The following KCNH7 variants were observed in gnomAD, a reference collection of about 807,000 sequenced individuals.
The protein encoded by KCNH7 is potassium voltage-gated channel subfamily H member 7, also known as voltage-gated inwardly rectifying potassium channel KCNH7.
KCNH7 carries 49 observed loss-of-function variants against 120.8 expected under a neutral mutation model. The observed-to-expected ratio is 0.41, with a 90% CI of 0.32 to 0.51. KCNH7 has a LOEUF of 0.51. Ranked by LOEUF, KCNH7 falls within the 20% of genes least tolerant of loss-of-function variation. The pLI is 0.38. For synonymous variants in KCNH7, 547 were observed against 516.1 expected, an observed-to-expected ratio of 1.06 and a Z score of -0.81; for missense variants, 1,097 against 1,446.6, an observed-to-expected ratio of 0.76 and a Z score of 3.92.
At chr2:162,663,930 T>C (rs941301839) in intron 2 of KCNH7, among the ~76,000 whole-genome samples, 1 of 152,154 alleles carries the variant, frequency 6.6e-6, no homozygotes, top group Non-Finnish European at 1.5e-5. Context: ...ATGACAAATC[T>C]GCAATATTTT....
chr2:162,724,717 ATC>A (rs554320231), intron 2 of KCNH7, among the ~76,000 whole-genome samples: 79 of 151,988 alleles, frequency 5.2e-4, no homozygotes, highest in Admixed American at 2.1e-3. Context: ...TAGAAATGTG[ATC>A]TCTCTCTTCC....
At chr2:162,550,734 T>C (rs1271479296) in intron 2 of KCNH7, among the ~76,000 whole-genome samples, 1 of 152,094 alleles carries the variant, frequency 6.6e-6, no homozygotes. Flanking sequence ...TCCTGAGTGA[T>C]ACAGGATAAA....
intron 9 of KCNH7, among the ~76,000 whole-genome samples, chr2:162,405,382 C>T (rs1687181177): frequency 6.6e-6 from 1 of 151,812 alleles, no homozygotes; most frequent in African/African-American, 2.4e-5. Flanking sequence ...CCAACAACAA[C>T]AAAACATAAT....
At chr2:162,677,286 GTA>G (rs986676330) in intron 2 of KCNH7, among the ~76,000 whole-genome samples, 56 of 151,572 alleles carry the variant, frequency 3.7e-4, no homozygotes, top group African/African-American at 1.4e-3. Context: ...TTATTAAAGT[GTA>G]TCACACAGAG....
At chr2:162,752,903 A>AAAAAAGAAAGAAAAGAAAAG (rs1688612139) in intron 2 of KCNH7, among the ~76,000 whole-genome samples, 2 of 32,026 alleles carry the variant, frequency 6.2e-5, no homozygotes, top group Non-Finnish European at 2.8e-4. Context: ...TACATCTCAG[A>AAAAAAGAAAGAAAAGAAAAG]AAAAGAAAAG....
chr2:162,385,869 A>G (rs890570716), intron 12 of KCNH7, among the ~76,000 whole-genome samples: 2 of 151,874 alleles, frequency 1.3e-5, no homozygotes, highest in Non-Finnish European at 2.9e-5. Flanking sequence ...GAAACTTCCA[A>G]CTGTTTTTAA....
chr2:162,545,737 G>A (rs149489004), intron 2 of KCNH7, among the ~76,000 whole-genome samples: 16 of 152,134 alleles, frequency 1.1e-4, no homozygotes, highest in African/African-American at 3.9e-4. Context: ...CAGAGATCAG[G>A]TTTTATAACA....
At chr2:162,507,827 A>G (rs1338231552) in intron 5 of KCNH7, among the ~76,000 whole-genome samples, 1 of 151,606 alleles carries the variant, frequency 6.6e-6, no homozygotes, top group Non-Finnish European at 1.5e-5. Flanking sequence ...AAATTCATGT[A>G]TAAATAAGTC....
intron 2 of KCNH7, among the ~76,000 whole-genome samples, chr2:162,800,730 T>C (rs1684310925): frequency 6.6e-6 from 1 of 151,964 alleles, no homozygotes; most frequent in Admixed American, 6.6e-5. Flanking sequence ...GTGCTTTGAA[T>C]GCTAAAACAC....
chr2:162,432,850 G>A (rs1335420643), intron 8 of KCNH7, among the ~76,000 whole-genome samples: 3 of 151,816 alleles, frequency 2.0e-5, no homozygotes, highest in South Asian at 2.1e-4. Flanking sequence ...CCTCCAAACA[G>A]GAAAAGAAGT....
intron 2 of KCNH7, among the ~76,000 whole-genome samples, chr2:162,793,827 T>G (rs921368907): frequency 2.0e-5 from 3 of 152,010 alleles, no homozygotes; most frequent in Non-Finnish European, 4.4e-5. Context: ...GTTTATTTTT[T>G]AACTTAGAGT....
At chr2:162,456,919 A>C (rs1294808165) in intron 6 of KCNH7, among the ~76,000 whole-genome samples, 1 of 151,824 alleles carries the variant, frequency 6.6e-6, no homozygotes, top group African/African-American at 2.4e-5. Context: ...TTATTTAGTT[A>C]ATTGTCTCCT....
chr2:162,637,347 C>A (rs1272843324), intron 2 of KCNH7, among the ~76,000 whole-genome samples: 1 of 152,036 alleles, frequency 6.6e-6, no homozygotes, highest in African/African-American at 2.4e-5. Flanking sequence ...GGCAGACTAT[C>A]CCCTGGATCA....
intron 2 of KCNH7, among the ~76,000 whole-genome samples, chr2:162,673,769 G>A (rs1350473460): frequency 6.6e-6 from 1 of 151,840 alleles, no homozygotes; most frequent in African/African-American, 2.4e-5. Flanking sequence ...GGTTACTGCA[G>A]CAAAACAAAT....
At position 162,634,946 on chromosome 2, in the gene KCNH7, A is replaced by G. The variant is rs887803780; in HGVS notation, c.308-97866T>C. Among the ~76,000 whole-genome samples the G allele has an allele frequency of 2.6e-5, 4 of 152,082 alleles. No individual in the cohort carries two copies. The East Asian group carries it at 5.8e-4, about 22-fold the overall frequency. ...TCTTTATTCTTTTGTAAAATATAGC[A>G]CCACACTGTCTAACATGTGGCTACT... On this transcript the variant is annotated intron_variant, in intron 2 of 15. Coordinates refer to ENST00000332142, the MANE Select transcript of KCNH7 (RefSeq NM_033272.4).
chr2:162,811,185 C>T lies in KCNH7; in HGVS notation c.307+25352G>A, dbSNP rs576684023. Among the ~76,000 whole-genome samples, 6 of 152,152 alleles carry T rather than the reference C, an allele frequency of 3.9e-5. No homozygotes were observed. The East Asian group carries it at 9.6e-4, about 24-fold the overall frequency. On this transcript the variant is annotated intron_variant, in intron 2 of 15. Coordinates refer to ENST00000332142, the MANE Select transcript of KCNH7 (RefSeq NM_033272.4). ...ATGAAGTGAGATAGGAACCCGAAGG[C>T]GTGCATACTTTTCCATTTATTCTTC...
intron 2 of KCNH7, among the ~76,000 whole-genome samples, chr2:162,763,403 A>G (rs1689030781): frequency 6.6e-6 from 1 of 152,106 alleles, no homozygotes; most frequent in African/African-American, 2.4e-5. Flanking sequence ...TGTTAATTGC[A>G]AATAGCACCC....
chr2:162,422,834 A>T (rs763630978), intron 9 of KCNH7, among the ~76,000 whole-genome samples: 3 of 152,180 alleles, frequency 2.0e-5, no homozygotes, highest in African/African-American at 7.2e-5. Context: ...AATTCTTAAA[A>T]GTGTGAAACT....
intron 6 of KCNH7, among the ~76,000 whole-genome samples, chr2:162,453,125 A>T (rs1201061204): frequency 6.6e-6 from 1 of 151,950 alleles, no homozygotes; most frequent in Non-Finnish European, 1.5e-5. Context: ...CTACCCCAAC[A>T]GGCCTCTGTG....
Sources: gnomAD v4.1 joint callset for allele counts (sites outside exome capture counted in the v4.1 genomes callset) on GRCh38, gnomAD v4.1.1 for gene constraint, MANE v1.5 for transcripts, NCBI Gene and HGNC (gene_info 2026-07-23, HGNC 2026-07-21) for gene names.